Variants in SMPDL3A observed in about 807,000 individuals in gnomAD.
SMPDL3A encodes the protein sphingomyelin phosphodiesterase acid like 3A, also known as cyclic GMP-AMP phosphodiesterase SMPDL3A.
Under a neutral mutation model 38.5 loss-of-function variants are expected in SMPDL3A, and 39 were observed. The ratio of observed to expected loss-of-function variants is 1.01; its 90% CI spans 0.78 to 1.32. SMPDL3A has a LOEUF of 1.32. Among genes scored for constraint, SMPDL3A ranks in the 40% most tolerant of loss-of-function variants. SMPDL3A has a pLI of 0.00. For synonymous variants in SMPDL3A, 180 were observed against 194.3 expected, an observed-to-expected ratio of 0.93 and a Z score of 0.61; for missense variants, 502 against 536.2, an observed-to-expected ratio of 0.94 and a Z score of 0.63.
In SMPDL3A at chr6:122,809,033, G is replaced by A. The variant is rs531487289; in HGVS notation, c.1045-58G>A. ...AATTTAAACATGAACGCTTCTTGTTGTACAATGCCTTATGTGCCAAAAAGT... is the reference window on the plus strand; with the variant it reads ...AATTTAAACATGAACGCTTCTTGTTATACAATGCCTTATGTGCCAAAAAGT... On this transcript the variant is annotated intron_variant, in intron 7 of 7. Transcript: ENST00000368440. 3.1e-6 allele frequency: 4 copies of A among 1,296,988 alleles called. No homozygotes were observed. The Middle Eastern group carries it at 5.6e-4, about 182-fold the overall frequency. The allele number at this position is 1,296,988 out of a possible 1,614,324, so 80.3% of individuals were successfully genotyped here.
At chr6:122,802,628 A>G (rs1057028740) in intron 4 of SMPDL3A, among the ~76,000 whole-genome samples, 1 of 152,234 alleles carries the variant, frequency 6.6e-6, no homozygotes, top group Non-Finnish European at 1.5e-5. Flanking sequence ...ACTCAGCATA[A>G]AGCAGGGGAG....
At position 122,806,347 on chromosome 6, in the gene SMPDL3A, A is replaced by C. The variant is rs772765325; in HGVS notation, c.1034A>C (p.Tyr345Ser). The C allele has an allele frequency of 6.2e-7, 1 of 1,606,164 alleles. No individual in the cohort carries two copies. Among genetic ancestry groups the C allele is most frequent in the East Asian group, 2.2e-5 (1 of 44,756 alleles). The change falls in exon 7 of 8, where the codon TAT becomes TCT. Residue 345 changes from tyrosine to serine, a missense_variant. Transcript: ENST00000368440. The stretch of plus-strand genomic sequence containing the variant: ...CTGTTTCAGTATGATCCTCGTGATT[A>C]TAAATTATTGGTAAGTTGGCAGATT... The part of the protein sequence containing the change: ...IRLFQYDPRD[Y>S]KLLDMLQYYL...
intron 1 of SMPDL3A, among the ~76,000 whole-genome samples, chr6:122,792,765 A>G (rs771433873): frequency 1.3e-5 from 2 of 150,828 alleles, no homozygotes; most frequent in Non-Finnish European, 2.9e-5. Flanking sequence ...TATTTTTTGT[A>G]GGCATGGGGT....
intron 1 of SMPDL3A, 145 bp from the exon 2 acceptor site, chr6:122,795,532 C>T (rs747903793): frequency 2.7e-5 from 17 of 634,236 alleles, no homozygotes; most frequent in South Asian, 8.2e-5. Flanking sequence ...CTGTATTTAA[C>T]TTCGAGGCTT....
At chr6:122,803,179 T>C (rs562579781) in intron 4 of SMPDL3A, among the ~76,000 whole-genome samples, 44 of 152,282 alleles carry the variant, frequency 2.9e-4, no homozygotes, top group African/African-American at 1.0e-3. Context: ...GGTGGAATGA[T>C]GCCTTTAAAC....
intron 1 of SMPDL3A, 63 bp from the exon 2 acceptor site, chr6:122,795,614 A>G (rs770882770): frequency 1.3e-5 from 17 of 1,264,238 alleles, no homozygotes; most frequent in Non-Finnish European, 1.9e-5. Flanking sequence ...TAATATAAAT[A>G]TTTTTATGAG....
Position 122,809,323 on chromosome 6 carries a change from C to A in SMPDL3A, c.1277C>A (p.Ala426Asp). Residue 426 changes from alanine (A) to aspartate (D), a missense_variant, in exon 8 of 8, where the codon GCC (alanine) becomes GAC (aspartate). By Grantham distance (126) the Ala-to-Asp change is moderately radical (BLOSUM62 -2). Coordinates refer to ENST00000368440, the MANE Select transcript of SMPDL3A (RefSeq NM_006714.5). ...GTAACATGTGATAAGACATGTAAGG[C>A]CTTTCAGATTTGTGCAATTATGAAT... ...SSVTCDKTCK[A>D]FQICAIMNLD... is the part of the protein sequence containing the mutation. 1 of 1,613,758 alleles carries A rather than the reference C, an allele frequency of 6.2e-7. No individual in the cohort carries two copies. The highest frequency in any genetic ancestry group is 8.5e-7 in the Non-Finnish European group (1 of 1,179,732).
rs1196277431 is a variant in SMPDL3A, at chr6:122,795,715, A to G, written c.151A>G (p.Thr51Ala). Residue 51 changes from threonine to alanine, a missense_variant, in exon 2 of 8, where the codon ACT (threonine) becomes GCT (alanine). Thr to Ala is a moderately conservative substitution (Grantham distance 58). Transcript: ENST00000368440. Reference sequence around the variant, plus strand: ...TGTGACTGACTTACACTTAGACCCTACTTACCACATCACAGATGACCACAC... The same window carrying G: ...TGTGACTGACTTACACTTAGACCCTGCTTACCACATCACAGATGACCACAC... Reference protein sequence around the residue: ...WHVTDLHLDPTYHITDDHTKV... With the variant: ...WHVTDLHLDPAYHITDDHTKV... 5 of 1,614,176 alleles carry G rather than the reference A, an allele frequency of 3.1e-6. No individual in the cohort carries two copies. Among genetic ancestry groups the G allele is most frequent in the Non-Finnish European group, 8.5e-7 (1 of 1,180,030 alleles).
At chr6:122,801,708 T>C (rs991901169) in intron 4 of SMPDL3A, among the ~76,000 whole-genome samples, 1 of 152,218 alleles carries the variant, frequency 6.6e-6, no homozygotes, top group Non-Finnish European at 1.5e-5. Context: ...ATGTTTCTAA[T>C]TGGAAAATTG....
At chr6:122,807,218 GA>G (rs1346410793) in intron 7 of SMPDL3A, among the ~76,000 whole-genome samples, 8 of 152,056 alleles carry the variant, frequency 5.3e-5, no homozygotes, top group East Asian at 3.9e-4. Flanking sequence ...TTTTTTAAAG[GA>G]AAAAAATGGT....
rs1562357722 is a variant in SMPDL3A at position 122,808,609 on chromosome 6, C to CCTTCCTTCCTTCCTT, written c.1045-481_1045-480insTTCCTTCCTTCCTTC. On this transcript the variant is annotated intron_variant, in intron 7 of 7. Transcript: ENST00000368440. ...AGCCTCCCTTCCTCCCTCCCTCCCT[C>CCTTCCTTCCTTCCTT]CCTTCCTTCCTTCCTTCCTTCCTTC... Among the ~76,000 whole-genome samples, 240 of 44,366 alleles carry CCTTCCTTCCTTCCTT rather than the reference C, an allele frequency of 5.4e-3. 3 individuals carry two copies. The highest frequency in any genetic ancestry group is 0.019 in the African/African-American group (221 of 11,358). The allele number at this position is 44,366 out of a possible 152,430, so 29.1% of individuals were successfully genotyped here.
chr6:122,793,573 TG>T (rs1229700001), intron 1 of SMPDL3A, among the ~76,000 whole-genome samples: 1 of 152,214 alleles, frequency 6.6e-6, no homozygotes. Flanking sequence ...AAATAAAGAT[TG>T]GGGTATTTTC....
chr6:122,803,107 G>T (rs898249676), intron 4 of SMPDL3A, among the ~76,000 whole-genome samples: 4 of 151,942 alleles, frequency 2.6e-5, no homozygotes, highest in Non-Finnish European at 5.9e-5. Flanking sequence ...TTAGTGCCCA[G>T]CTCTGAAAGT....
In SMPDL3A at chr6:122,803,737, C is replaced by T. The variant is rs149474445; in HGVS notation, c.642C>T (p.Tyr214=). The T allele has an allele frequency of 3.5e-5, 56 of 1,613,656 alleles. No homozygotes were observed. Among genetic ancestry groups the T allele is most frequent in the Middle Eastern group, 1.6e-4 (1 of 6,082 alleles). Residue 214 remains tyrosine (Y), a synonymous_variant, in exon 5 of 8, where the codon TAC becomes TAT. Transcript: ENST00000368440. ...TCAGTCTAAACACAAACTTGTACTA[C>T]GGCCCAAATATAATGACACTGAACA... ...RIISLNTNLY[Y]GPNIMTLNKT... is the part of the protein sequence containing the mutation.
intron 4 of SMPDL3A, 129 bp from the exon 5 acceptor site, chr6:122,803,535 T>C (rs960955422): frequency 5.5e-5 from 36 of 659,078 alleles, no homozygotes; most frequent in Non-Finnish European, 8.5e-5. Flanking sequence ...AGCCTATCTA[T>C]GTGCAAACTA....
rs144854533 is a variant in SMPDL3A at position 122,795,733 on chromosome 6, G to A, written c.169G>A (p.Asp57Asn). 8 of 1,614,000 alleles carry A rather than the reference G, an allele frequency of 5.0e-6. No homozygotes were observed. Among genetic ancestry groups the A allele is most frequent in the Middle Eastern group, 3.3e-4 (2 of 6,084 alleles). ...HLDPTYHITD[D>N]HTKVCASSKG... Reference sequence around the variant, plus strand: ...AGACCCTACTTACCACATCACAGATGACCACACAAAAGTGTGTGCTTCATC... The same window carrying A: ...AGACCCTACTTACCACATCACAGATAACCACACAAAAGTGTGTGCTTCATC... Residue 57 changes from aspartate to asparagine, a missense_variant, in exon 2 of 8, where the codon GAC becomes AAC. Transcript: ENST00000368440.
chr6:122,803,998 T>C (rs1781514693), intron 5 of SMPDL3A, among the ~76,000 whole-genome samples, 165 bp downstream of exon 5: 1 of 151,650 alleles, frequency 6.6e-6, no homozygotes, highest in African/African-American at 2.4e-5. Context: ...TTTTTTTTTT[T>C]AAATTTCGAG....
In SMPDL3A at chr6:122,796,910, G is replaced by C; in HGVS notation, c.413G>C (p.Ser138Thr). The C allele has an allele frequency of 6.2e-7, 1 of 1,613,420 alleles. No homozygotes were observed. Among genetic ancestry groups the C allele is most frequent in the South Asian group, 1.1e-5 (1 of 91,026 alleles). Residue 138 changes from serine to threonine, a missense_variant, in exon 3 of 8, where the codon AGT becomes ACT. Ser to Thr is a moderately conservative substitution (Grantham distance 58). Coordinates refer to ENST00000368440, the MANE Select transcript of SMPDL3A (RefSeq NM_006714.5). Reference protein sequence around the residue: ...VITNMTTTIQSLFPNLQVFPA... With the variant: ...VITNMTTTIQTLFPNLQVFPA... ...ACTAATATGACAACCACCATCCAGA[G>C]TCTCTTTCCAAATCTCCAGGTTTTC...
chr6:122,791,828 G>T (rs1264747686), intron 1 of SMPDL3A, among the ~76,000 whole-genome samples: 1 of 152,008 alleles, frequency 6.6e-6, no homozygotes, highest in Non-Finnish European at 1.5e-5. Flanking sequence ...CGAGTAGCTG[G>T]GACTACAGGC....
Sources: gnomAD v4.1 joint callset for allele counts (sites outside exome capture counted in the v4.1 genomes callset) on GRCh38, gnomAD v4.1.1 for gene constraint, MANE v1.5 for transcripts, NCBI Gene and HGNC (gene_info 2026-07-23, HGNC 2026-07-21) for gene names.